Variants in ESS2 observed in about 807,000 individuals in gnomAD.
The protein encoded by ESS2 is ess-2 spliceosome associated protein, also known as splicing factor ESS-2 homolog.
Under a neutral mutation model 52.0 loss-of-function variants are expected in ESS2, and 31 were observed. The ratio of observed to expected loss-of-function variants is 0.60; its 90% CI spans 0.45 to 0.81. ESS2 has a LOEUF of 0.81. Among genes scored for constraint, ESS2 ranks in the 30% least tolerant of loss-of-function variants. The pLI, the probability that ESS2 is intolerant of heterozygous loss-of-function variation, is 0.00. For synonymous variants in ESS2, 285 were observed against 259.2 expected (o/e 1.10, Z -0.95); for missense variants, 602 against 637.2 (o/e 0.94, Z 0.59).
Position 19,139,657 on chromosome 22 carries a change from T to A in ESS2, c.643A>T (p.Thr215Ser). The change falls in exon 5 of 10, where the codon ACC becomes TCC. Residue 215 changes from threonine (T) to serine (S), a missense_variant. Thr to Ser is a moderately conservative substitution (Grantham distance 58, BLOSUM62 1). Coordinates refer to ENST00000252137, the MANE Select transcript of ESS2 (RefSeq NM_022719.3). Reference sequence around the variant, plus strand: ...GAATTCTTGGCCTTGTACTTCCAGGTCTCCACACTGGCCTGGCTGCTCTCG... The same window carrying A: ...GAATTCTTGGCCTTGTACTTCCAGGACTCCACACTGGCCTGGCTGCTCTCG... Reference protein sequence around the residue: ...AIESSQASVETWKYKAKNSLM... With the variant: ...AIESSQASVESWKYKAKNSLM... 1 of 1,614,002 alleles carries A rather than the reference T, an allele frequency of 6.2e-7. No individual in the cohort carries two copies. The highest frequency in any genetic ancestry group is 8.5e-7 in the Non-Finnish European group (1 of 1,179,980).
At position 19,130,470 on chromosome 22, in the gene ESS2, A is replaced by T. The variant is rs1239943205; in HGVS notation, c.*3726T>A. On this transcript the variant is annotated 3_prime_UTR_variant, in exon 10 of 10. Transcript: ENST00000252137. The stretch of plus-strand genomic sequence containing the variant: ...GTTCCAAGGAGAAGGTCAGAGGCAA[A>T]AAAAATGCTTGCTAAGTCCGATTAA... 6 of 303,044 alleles carry T rather than the reference A, an allele frequency of 2.0e-5. No homozygotes were observed. Among genetic ancestry groups the T allele is most frequent in the Non-Finnish European group, 3.8e-5 (6 of 158,100 alleles). The allele number at this position is 303,044 out of a possible 1,614,324, so 18.8% of individuals were successfully genotyped here.
At chr22:19,136,866 G>A (rs2083591176) in intron 8 of ESS2, among the ~76,000 whole-genome samples, 1 of 152,104 alleles carries the variant, frequency 6.6e-6, no homozygotes, top group Non-Finnish European at 1.5e-5. Flanking sequence ...AGCCCACGAA[G>A]AGCCTCCCCT....
In ESS2 at chr22:19,133,922, A is replaced by G; in HGVS notation, c.*274T>C. The G allele has an allele frequency of 2.8e-6, 1 of 351,706 alleles. No individual in the cohort carries two copies. Among genetic ancestry groups the G allele is most frequent in the Non-Finnish European group, 5.1e-6 (1 of 197,638 alleles). The allele number at this position is 351,706 out of a possible 1,614,324, so 21.8% of individuals were successfully genotyped here. ...GGCTCGTGTGGGGAGCAAGATGGAG[A>G]GGCAACCCCCCAGACTGTACCTAGG... On this transcript the variant is annotated 3_prime_UTR_variant, in exon 10 of 10. Coordinates refer to ENST00000252137, the MANE Select transcript of ESS2 (RefSeq NM_022719.3).
In ESS2 at chr22:19,131,928, G is replaced by A. The variant is rs752627852; in HGVS notation, c.*2268C>T. The A allele has an allele frequency of 4.3e-6, 7 of 1,614,018 alleles. No homozygotes were observed. Among genetic ancestry groups the A allele is most frequent in the Admixed American group, 1.7e-5 (1 of 60,022 alleles). ...CATCATCCTCAGCAAGACCTTCTGC[G>A]GGTCGGCAGCATATGCAGCCCCCGA... On this transcript the variant is annotated 3_prime_UTR_variant, in exon 10 of 10. Coordinates refer to ENST00000252137, the MANE Select transcript of ESS2 (RefSeq NM_022719.3). The surrounding 1 kb of genome is among the most constrained non-coding windows in gnomAD (Gnocchi z 5.7).
chr22:19,139,422 C>T (rs2083644041), intron 5 of ESS2, 130 bp from the exon 6 acceptor site: 11 of 1,383,412 alleles, frequency 8.0e-6, no homozygotes, highest in Non-Finnish European at 1.1e-5. Context: ...GCCCCAGTGC[C>T]GCTGGAGAGG....
At position 19,131,299 on chromosome 22, in the gene ESS2, A is replaced by G; in HGVS notation, c.*2897T>C. On this transcript the variant is annotated 3_prime_UTR_variant, in exon 10 of 10. Coordinates refer to ENST00000252137, the MANE Select transcript of ESS2 (RefSeq NM_022719.3). The surrounding 1 kb of genome is among the most constrained non-coding windows in gnomAD (Gnocchi z 5.7). Reference sequence around the variant, plus strand: ...CCTGAGTCGAAGCCCAGCCCAGGGCAGCCCAGCCAGACGCCTCCGGTAGTG... The same window carrying G: ...CCTGAGTCGAAGCCCAGCCCAGGGCGGCCCAGCCAGACGCCTCCGGTAGTG... 1.9e-6 allele frequency: 2 copies of G among 1,053,038 alleles called. No homozygotes were observed. The highest frequency in any genetic ancestry group is 1.4e-6 in the Non-Finnish European group (1 of 714,568). The allele number at this position is 1,053,038 out of a possible 1,614,324, so 65.2% of individuals were successfully genotyped here. A position where few individuals can be genotyped will look rare whatever the true frequency, so the allele number is the denominator to read the frequency against.
intron 1 of ESS2, among the ~76,000 whole-genome samples, chr22:19,143,235 G>C (rs1429215964): frequency 1.3e-5 from 2 of 149,774 alleles, no homozygotes; most frequent in Non-Finnish European, 3.0e-5. Context: ...AAAGAAAGTC[G>C]GAGCTGCAGT....
chr22:19,139,703 CG>C lies in ESS2; in HGVS notation c.596del (p.Pro199ArgfsTer62), dbSNP rs1335399458. 2 of 1,614,170 alleles carry C rather than the reference CG, an allele frequency of 1.2e-6. No homozygotes were observed. The highest frequency in any genetic ancestry group is 1.7e-6 in the Non-Finnish European group (2 of 1,180,018). On this transcript the variant is annotated frameshift_variant, in exon 5 of 10. Transcript: ENST00000252137. LOFTEE classifies it high-confidence loss of function. ...EKRQKDNLEL[P>X]SAEHQAIESS... Reference sequence around the variant, plus strand: ...TCTCGATGGCCTGGTGCTCTGCTGACGGGAGTTCGAGATTATCTTTCTGCCT... The same window carrying C: ...TCTCGATGGCCTGGTGCTCTGCTGACGGAGTTCGAGATTATCTTTCTGCCT...
chr22:19,137,689 C>G, intron 7 of ESS2: 1 of 973,782 alleles, frequency 1.0e-6, no homozygotes, highest in Non-Finnish European at 1.2e-6. Context: ...AGGTCTCCCC[C>G]AGCCACGCAG....
intron 7 of ESS2, chr22:19,137,634 G>C: frequency 1.3e-6 from 1 of 747,498 alleles, no homozygotes. Flanking sequence ...GCCCGAGGCA[G>C]GCTCAAGGCC....
intron 3 of ESS2, 112 bp downstream of exon 3, chr22:19,142,426 C>G: frequency 2.0e-6 from 2 of 976,314 alleles, no homozygotes; most frequent in Non-Finnish European, 3.1e-6. Flanking sequence ...CGCAAGACCC[C>G]TCAGGAACAA....
chr22:19,142,101 G>A (rs1181682664), intron 3 of ESS2, among the ~76,000 whole-genome samples: 1 of 152,258 alleles, frequency 6.6e-6, no homozygotes, highest in Non-Finnish European at 1.5e-5. Flanking sequence ...CACACTGGCA[G>A]GTCAAGAAAA....
At position 19,131,034 on chromosome 22, in the gene ESS2, G is replaced by A. The variant is rs1186101411; in HGVS notation, c.*3162C>T. On this transcript the variant is annotated 3_prime_UTR_variant, in exon 10 of 10. Transcript: ENST00000252137. The surrounding 1 kb of genome is among the most constrained non-coding windows in gnomAD (Gnocchi z 5.7). ...GATGCAAACAGGCTGGACGTGGGCC[G>A]CCTCCCCTCCAGCTTGACTTGTGAC... 4.1e-6 allele frequency: 1 copy of A among 241,122 alleles called. No homozygotes were observed. Among genetic ancestry groups the A allele is most frequent in the Non-Finnish European group, 8.2e-6 (1 of 122,138 alleles). The allele number at this position is 241,122 out of a possible 1,614,324, so 14.9% of individuals were successfully genotyped here.
At position 19,142,709 on chromosome 22, in the gene ESS2, C is replaced by T; in HGVS notation, c.304+17G>A. On this transcript the variant is annotated intron_variant, in intron 2 of 9. Coordinates refer to ENST00000252137, the MANE Select transcript of ESS2 (RefSeq NM_022719.3). ...CAGCAGGCTTTCCCCTCTCCGCCAC[C>T]CACAGGGTCCTCATACAGGGTGGCG... 6.2e-7 allele frequency: 1 copy of T among 1,611,998 alleles called. No individual in the cohort carries two copies. Among genetic ancestry groups the T allele is most frequent in the Non-Finnish European group, 8.5e-7 (1 of 1,178,842 alleles).
In ESS2 at chr22:19,130,481, G is replaced by C. The variant is rs1306446852; in HGVS notation, c.*3715C>G. 1 of 319,048 alleles carries C rather than the reference G, an allele frequency of 3.1e-6. No homozygotes were observed. The highest frequency in any genetic ancestry group is 2.2e-5 in the African/African-American group (1 of 45,190). The allele number at this position is 319,048 out of a possible 1,614,324, so 19.8% of individuals were successfully genotyped here. A position where few individuals can be genotyped will look rare whatever the true frequency, so the allele number is the denominator to read the frequency against. On this transcript the variant is annotated 3_prime_UTR_variant, in exon 10 of 10. Transcript: ENST00000252137. ...AAGGTCAGAGGCAAAAAAAATGCTTGCTAAGTCCGATTAAAAGGGGCCCAG... is the reference window on the plus strand; with the variant it reads ...AAGGTCAGAGGCAAAAAAAATGCTTCCTAAGTCCGATTAAAAGGGGCCCAG...
chr22:19,139,693 G>C lies in ESS2; in HGVS notation c.607C>G (p.His203Asp), dbSNP rs777432584. 4 of 1,614,224 alleles carry C rather than the reference G, an allele frequency of 2.5e-6. No homozygotes were observed. The highest frequency in any genetic ancestry group is 2.5e-6 in the Non-Finnish European group (3 of 1,180,036). Residue 203 changes from histidine to aspartate, a missense_variant, in exon 5 of 10, where the codon CAC becomes GAC. By Grantham distance (81) the His-to-Asp change is moderately conservative. Coordinates refer to ENST00000252137, the MANE Select transcript of ESS2 (RefSeq NM_022719.3). ...GCCTGGCTGCTCTCGATGGCCTGGT[G>C]CTCTGCTGACGGGAGTTCGAGATTA... ...KDNLELPSAE[H>D]QAIESSQASV...
At chr22:19,134,747 C>T (rs1181463985) in intron 9 of ESS2, among the ~76,000 whole-genome samples, 3 of 152,288 alleles carry the variant, frequency 2.0e-5, no homozygotes, top group African/African-American at 4.8e-5. Context: ...GTCCCCACCC[C>T]TCTCCAAGGG....
chr22:19,142,362 C>A (rs962324085), intron 3 of ESS2, among the ~76,000 whole-genome samples, 176 bp downstream of exon 3: 3 of 152,234 alleles, frequency 2.0e-5, no homozygotes, highest in African/African-American at 7.2e-5. Flanking sequence ...GGAGCTGGAC[C>A]CAGATGTTCT....
intron 8 of ESS2, among the ~76,000 whole-genome samples, chr22:19,136,082 G>GT (rs2083576648): frequency 6.7e-6 from 1 of 149,268 alleles, no homozygotes; most frequent in African/African-American, 2.5e-5. Context: ...GCTCACGCCT[G>GT]TAATCCCAGC....
Sources: allele counts gnomAD v4.1 joint callset (sites outside exome capture counted in the v4.1 genomes callset), GRCh38; gene constraint gnomAD v4.1.1; non-coding constraint Gnocchi (gnomAD v3.1); transcripts MANE v1.5; gene names NCBI Gene and HGNC (gene_info 2026-07-23, HGNC 2026-07-21).